Variants in PLPPR1 observed in about 807,000 individuals in gnomAD.
PLPPR1 encodes phospholipid phosphatase-related protein type 1.
In PLPPR1, 10 loss-of-function variants were observed where a neutral mutation model predicts 33.1. That is an observed-to-expected ratio of 0.30 (90% CI 0.19 to 0.51). The LOEUF (loss-of-function observed/expected upper bound fraction) is 0.51. Ranked by LOEUF, PLPPR1 falls within the 20% of genes least tolerant of loss-of-function variation. PLPPR1 has a pLI of 0.97. For synonymous variants in PLPPR1, 151 were observed against 151.0 expected, an observed-to-expected ratio of 1.00 and a Z score of 0.00; for missense variants, 304 against 408.1, an observed-to-expected ratio of 0.74 and a Z score of 2.20.
intron 1 of PLPPR1, among the ~76,000 whole-genome samples, chr9:101,066,831 T>C (rs530581788): frequency 1.3e-5 from 2 of 152,038 alleles, no homozygotes; most frequent in Non-Finnish European, 2.9e-5. Context: ...GAAAATTATA[T>C]TAGAAACCAA....
At chr9:101,113,821 C>T (rs1429573456) in intron 1 of PLPPR1, among the ~76,000 whole-genome samples, 2 of 151,962 alleles carry the variant, frequency 1.3e-5, no homozygotes, top group Non-Finnish European at 2.9e-5. Context: ...TCTGCAGAAA[C>T]ATGAAGCTCT....
chr9:101,323,231 G>A (rs183924298), intron 7 of PLPPR1, among the ~76,000 whole-genome samples: 214 of 152,234 alleles, frequency 1.4e-3, no homozygotes, highest in Middle Eastern at 6.8e-3. Context: ...ACAGTAGCTT[G>A]TGCCTGTAAT....
chr9:101,121,673 T>A (rs1364720829), intron 1 of PLPPR1, among the ~76,000 whole-genome samples: 1 of 152,162 alleles, frequency 6.6e-6, no homozygotes, highest in East Asian at 1.9e-4. Context: ...TGTCAGCAAA[T>A]GGAGTGGATA....
At chr9:101,198,265 A>G (rs1164356303) in intron 2 of PLPPR1, among the ~76,000 whole-genome samples, 1 of 152,104 alleles carries the variant, frequency 6.6e-6, no homozygotes, top group African/African-American at 2.4e-5. Flanking sequence ...ACCACTAAAA[A>G]CATCCCTCCC....
chr9:101,172,027 A>G (rs1825949840), intron 1 of PLPPR1, among the ~76,000 whole-genome samples: 1 of 152,100 alleles, frequency 6.6e-6, no homozygotes, highest in South Asian at 2.1e-4. Flanking sequence ...CTTACCTCCA[A>G]TTAAGATTTG....
At chr9:101,279,596 C>CA (rs1250028850) in intron 3 of PLPPR1, among the ~76,000 whole-genome samples, 1 of 151,874 alleles carries the variant, frequency 6.6e-6, no homozygotes, top group African/African-American at 2.4e-5. Flanking sequence ...GTCTTAAATT[C>CA]AAAAAATAGT....
chr9:101,038,004 G>A (rs1360336779), intron 1 of PLPPR1, among the ~76,000 whole-genome samples: 2 of 152,046 alleles, frequency 1.3e-5, no homozygotes, highest in African/African-American at 4.8e-5. Context: ...TAGATATAAT[G>A]AGGTGCTTAG....
At chr9:101,151,753 C>T (rs1373177465) in intron 1 of PLPPR1, among the ~76,000 whole-genome samples, 1 of 152,302 alleles carries the variant, frequency 6.6e-6, no homozygotes, top group Middle Eastern at 3.4e-3. Context: ...TTAGGTCGAA[C>T]ATGGCCTCAG....
At chr9:101,269,603 G>C (rs1360541483) in intron 2 of PLPPR1, among the ~76,000 whole-genome samples, 1 of 152,218 alleles carries the variant, frequency 6.6e-6, no homozygotes, top group Non-Finnish European at 1.5e-5. Flanking sequence ...GACTCTGAAA[G>C]GGTGGCAGCA....
rs375855765 is a variant in PLPPR1, at chr9:101,225,124, GTC to G, written c.63+39568_63+39569del. On this transcript the variant is annotated intron_variant, in intron 2 of 7. Transcript: ENST00000374874. ...TTTGTTGTACGTCATTTTGCTGAAA[GTC>G]ACAGTTTCCAAGATCTGAGGACTTA... 8.1e-4 allele frequency among the ~76,000 whole-genome samples: 123 copies of G among 152,248 alleles called. No homozygotes were observed. In the South Asian group the frequency reaches 0.024, roughly 30 times the overall value.
chr9:101,181,131 T>C (rs943948118), intron 1 of PLPPR1, among the ~76,000 whole-genome samples: 2 of 147,600 alleles, frequency 1.4e-5, no homozygotes, highest in African/African-American at 4.9e-5. Flanking sequence ...TTAGATATAT[T>C]ATATATCTAA....
intron 2 of PLPPR1, among the ~76,000 whole-genome samples, chr9:101,229,024 A>G (rs1300099839): frequency 6.7e-6 from 1 of 149,050 alleles, no homozygotes; most frequent in African/African-American, 2.4e-5. Flanking sequence ...TCATCTGACC[A>G]TTCCTATGAC....
intron 1 of PLPPR1, among the ~76,000 whole-genome samples, chr9:101,171,906 A>G (rs1427554041): frequency 1.3e-5 from 2 of 152,160 alleles, no homozygotes; most frequent in Non-Finnish European, 2.9e-5. Flanking sequence ...TGTGTCAAAG[A>G]TGAGCTCCCT....
intron 4 of PLPPR1, among the ~76,000 whole-genome samples, chr9:101,286,614 G>A (rs932915148): frequency 2.0e-5 from 3 of 152,124 alleles, no homozygotes; most frequent in Non-Finnish European, 4.4e-5. Flanking sequence ...TTCCCATCCA[G>A]TAATTTTGTT....
chr9:101,095,466 C>T (rs923886019), intron 1 of PLPPR1, among the ~76,000 whole-genome samples: 3 of 152,118 alleles, frequency 2.0e-5, no homozygotes, highest in African/African-American at 4.8e-5. Flanking sequence ...CCAGTCCAAA[C>T]CTTACCTGCA....
At chr9:101,269,759 C>T (rs2118894114) in intron 2 of PLPPR1, 121 bp from the exon 3 acceptor site, 1 of 911,890 alleles carries the variant, frequency 1.1e-6, no homozygotes, top group East Asian at 2.4e-5. Context: ...GGCACGCACA[C>T]ACTCGCCAAT....
chr9:101,210,632 C>T (rs1254268639), intron 2 of PLPPR1, among the ~76,000 whole-genome samples: 1 of 152,158 alleles, frequency 6.6e-6, no homozygotes, highest in Non-Finnish European at 1.5e-5. Context: ...AATGGAGAGG[C>T]ATTTAAAATC....
At chr9:101,170,471 A>G (rs752320560) in intron 1 of PLPPR1, among the ~76,000 whole-genome samples, 5 of 152,196 alleles carry the variant, frequency 3.3e-5, no homozygotes, top group African/African-American at 4.8e-5. Flanking sequence ...CAATGATTCA[A>G]TTACCTCCCA....
intron 1 of PLPPR1, among the ~76,000 whole-genome samples, chr9:101,069,062 C>T (rs1830452686): frequency 6.6e-6 from 1 of 151,886 alleles, no homozygotes; most frequent in African/African-American, 2.4e-5. Context: ...TCTAGCCTTC[C>T]CTAGTGGCTG....
Sources: allele counts gnomAD v4.1 joint callset (sites outside exome capture counted in the v4.1 genomes callset), GRCh38; gene constraint gnomAD v4.1.1; transcripts MANE v1.5; gene names NCBI Gene and HGNC (gene_info 2026-07-23, HGNC 2026-07-21).